TANC1: variants seen among roughly 807,000 people sequenced by gnomAD.
The protein encoded by TANC1 is protein TANC1.
Under a neutral mutation model 149.7 loss-of-function variants are expected in TANC1, and 77 were observed. The observed-to-expected ratio is 0.51, with a 90% confidence interval of 0.43 to 0.62. TANC1 has a LOEUF of 0.62. TANC1 is among the 20% of genes least tolerant of loss of function. The pLI, the probability that TANC1 is intolerant of heterozygous loss-of-function variation, is 0.00. For missense variants in TANC1, 1,985 were observed against 2,321.8 expected (o/e 0.85, Z 2.98); for synonymous variants, 854 against 925.0 (o/e 0.92, Z 1.39).
chr2:159,074,135 A>C (rs1056129300), intron 3 of TANC1, among the ~76,000 whole-genome samples: 16 of 148,900 alleles, frequency 1.1e-4, no homozygotes, highest in African/African-American at 3.9e-4. Context: ...CTGTCCTTTT[A>C]GGGGCAGGCT....
At chr2:159,190,433 C>T (rs1221940844) in intron 16 of TANC1, among the ~76,000 whole-genome samples, 8 of 152,220 alleles carry the variant, frequency 5.3e-5, no homozygotes, top group Admixed American at 5.2e-4. Flanking sequence ...ACTCCTCTTG[C>T]TGAGGACTGG....
At chr2:159,058,613 G>A (rs1056686289) in intron 2 of TANC1, among the ~76,000 whole-genome samples, 2 of 152,158 alleles carry the variant, frequency 1.3e-5, no homozygotes, top group African/African-American at 4.8e-5. Flanking sequence ...TTTGACCATT[G>A]TGGCCTGAGA....
At chr2:158,981,493 ATATATATATATATATAT>A (rs2034323336) in intron 1 of TANC1, among the ~76,000 whole-genome samples, 1,072 of 48,558 alleles carry the variant, frequency 0.022, 71 homozygotes, top group East Asian at 0.13. Flanking sequence ...TATAGCTTTT[ATATATATATATATATAT>A]ATATATATAT....
intron 14 of TANC1, among the ~76,000 whole-genome samples, chr2:159,185,450 C>T (rs749829325): frequency 6.6e-6 from 1 of 152,232 alleles, no homozygotes; most frequent in Non-Finnish European, 1.5e-5. Flanking sequence ...TGAGCTGTCA[C>T]CTAGCACGGC....
chr2:159,147,668 G>A (rs1051736777), intron 5 of TANC1: 3 of 152,278 alleles, frequency 2.0e-5, no homozygotes, highest in Admixed American at 2.0e-4. Context: ...TGGCTCACAT[G>A]GTCCAGAAGC....
chr2:159,175,694 T>C (rs1404901381), intron 12 of TANC1, among the ~76,000 whole-genome samples: 1 of 152,248 alleles, frequency 6.6e-6, no homozygotes, highest in Non-Finnish European at 1.5e-5. Context: ...CCATCCTCTC[T>C]GCCCTGGACT....
chr2:159,095,198 G>A (rs10187724), intron 3 of TANC1, among the ~76,000 whole-genome samples: 56,012 of 151,742 alleles, frequency 0.37, 11,369 homozygotes, highest in East Asian at 0.77. Flanking sequence ...CGCTTGCTTC[G>A]GCCTCCCAAA....
At position 159,186,967 on chromosome 2, in the gene TANC1, C is replaced by G; in HGVS notation, c.2685C>G (p.Thr895=). Residue 895 remains threonine, a synonymous_variant, in exon 16 of 27, where the codon ACC becomes ACG. Coordinates refer to ENST00000263635, the MANE Select transcript of TANC1 (RefSeq NM_033394.3). Reference sequence around the variant, plus strand: ...AAGCCCTGTGGATCGGCTACAGCACCGAGGGGCTGTCCGCCGCCCTGGCCT... The same window carrying G: ...AAGCCCTGTGGATCGGCTACAGCACGGAGGGGCTGTCCGCCGCCCTGGCCT... ...HLQALWIGYS[T]EGLSAALASL... is the part of the protein sequence containing the mutation. The G allele has an allele frequency of 6.2e-7, 1 of 1,614,172 alleles. No homozygotes were observed. Among genetic ancestry groups the G allele is most frequent in the East Asian group, 2.2e-5 (1 of 44,874 alleles).
At chr2:159,024,785 A>G (rs1348333024) in intron 2 of TANC1, among the ~76,000 whole-genome samples, 1 of 152,064 alleles carries the variant, frequency 6.6e-6, no homozygotes, top group Non-Finnish European at 1.5e-5. Context: ...TCATATTTAG[A>G]TTATATTTTT....
At chr2:159,160,833 A>G (rs1169790866) in intron 7 of TANC1, among the ~76,000 whole-genome samples, 1 of 152,102 alleles carries the variant, frequency 6.6e-6, no homozygotes, top group East Asian at 1.9e-4. Flanking sequence ...TCATATAAAC[A>G]CTGACCTTAC....
chr2:159,094,248 G>T (rs1481636503), intron 3 of TANC1, among the ~76,000 whole-genome samples: 1 of 152,182 alleles, frequency 6.6e-6, no homozygotes, highest in Non-Finnish European at 1.5e-5. Flanking sequence ...CAGCCACAGG[G>T]CAATGTAGCT....
At chr2:159,106,095 G>A (rs912992681) in intron 4 of TANC1, among the ~76,000 whole-genome samples, 2 of 151,850 alleles carry the variant, frequency 1.3e-5, no homozygotes, top group African/African-American at 4.8e-5. Flanking sequence ...TTATTCCATT[G>A]CATTTTTTTA....
chr2:159,216,837 G>C (rs1194066308), intron 19 of TANC1, among the ~76,000 whole-genome samples: 2 of 152,026 alleles, frequency 1.3e-5, no homozygotes, highest in East Asian at 3.9e-4. Flanking sequence ...CTTTAACAAG[G>C]GGGGAGTGAC....
chr2:159,227,726 G>A (rs944395028), intron 24 of TANC1, 93 bp from the exon 25 acceptor site: 26 of 1,369,860 alleles, frequency 1.9e-5, no homozygotes, highest in Non-Finnish European at 2.2e-5. Flanking sequence ...GGTTTGCAGG[G>A]GGGAGTAAAC....
chr2:159,224,433 CAG>C (rs2059897109), intron 23 of TANC1, 69 bp downstream of exon 23: 3 of 1,575,076 alleles, frequency 1.9e-6, no homozygotes, highest in Admixed American at 3.4e-5. Flanking sequence ...CTAGACAGCA[CAG>C]AGAGTGACCT....
At chr2:159,076,645 G>C (rs2043711054) in intron 3 of TANC1, among the ~76,000 whole-genome samples, 1 of 152,168 alleles carries the variant, frequency 6.6e-6, no homozygotes, top group African/African-American at 2.4e-5. Flanking sequence ...TATGTGTAGA[G>C]ATTCTTTTTT....
intron 19 of TANC1, among the ~76,000 whole-genome samples, chr2:159,200,729 T>C (rs1262881880): frequency 1.3e-5 from 2 of 152,214 alleles, no homozygotes; most frequent in East Asian, 3.9e-4. Context: ...GATTCTCTAC[T>C]TCAGGATCTT....
chr2:159,093,504 C>T (rs569802137), intron 3 of TANC1, among the ~76,000 whole-genome samples: 4 of 152,228 alleles, frequency 2.6e-5, no homozygotes, highest in South Asian at 2.1e-4. Flanking sequence ...TTTGTTTGAC[C>T]GTATTCCCCT....
intron 1 of TANC1, among the ~76,000 whole-genome samples, chr2:158,973,663 A>T (rs891930747): frequency 6.6e-6 from 1 of 152,170 alleles, no homozygotes; most frequent in African/African-American, 2.4e-5. Flanking sequence ...CACAAAGAAG[A>T]GGGTTATTGT....
Sources: allele counts gnomAD v4.1 joint callset (sites outside exome capture counted in the v4.1 genomes callset), GRCh38; gene constraint gnomAD v4.1.1; transcripts MANE v1.5; gene names NCBI Gene and HGNC (gene_info 2026-07-23, HGNC 2026-07-21).